Variants in TANC1 observed in about 807,000 individuals in gnomAD.
The protein encoded by TANC1 is protein TANC1.
In TANC1, 77 loss-of-function variants were observed where a neutral mutation model predicts 149.7. The ratio of observed to expected loss-of-function variants is 0.51; its 90% CI spans 0.43 to 0.62. TANC1 has a LOEUF of 0.62. Among genes scored for constraint, TANC1 ranks in the 20% least tolerant of loss-of-function variants. The pLI is 0.00. For missense variants in TANC1, 1,985 were observed against 2,321.8 expected (o/e 0.85, Z 2.98); for synonymous variants, 854 against 925.0 (o/e 0.92, Z 1.39).
At chr2:159,155,470 C>A (rs13000207) in intron 7 of TANC1, among the ~76,000 whole-genome samples, 5,058 of 152,116 alleles carry the variant, frequency 0.033, 128 homozygotes, top group Middle Eastern at 0.061. Context: ...TTTGGAGAAA[C>A]GGTGCTAGGA....
In TANC1 at chr2:159,224,336, G is replaced by A. The variant is rs769698888; in HGVS notation, c.3783G>A (p.Val1261=). ...GCTGCCGGAACACATCTGTAGTGGT[G>A]GCGCTACTCAGAAAGGGAGCCAAGT... The part of the protein sequence containing the change: ...AIGCRNTSVV[V]ALLRKGAKLG... The change falls in exon 23 of 27, where the codon GTG becomes GTA. Residue 1261 remains valine (V), a synonymous_variant. Transcript: ENST00000263635. 3.1e-6 allele frequency: 5 copies of A among 1,614,200 alleles called. No homozygotes were observed. Among genetic ancestry groups the A allele is most frequent in the Middle Eastern group, 1.6e-4 (1 of 6,062 alleles).
intron 5 of TANC1, among the ~76,000 whole-genome samples, chr2:159,143,247 A>T (rs1226260906): frequency 6.6e-6 from 1 of 152,150 alleles, no homozygotes; most frequent in Non-Finnish European, 1.5e-5. Context: ...TCGTAATGTG[A>T]TGTTTTGATA....
chr2:159,214,932 G>A (rs1334869273), intron 19 of TANC1, among the ~76,000 whole-genome samples: 2 of 152,150 alleles, frequency 1.3e-5, no homozygotes, highest in East Asian at 3.9e-4. Flanking sequence ...AATAGGGCGT[G>A]GAACATTCGG....
chr2:158,986,247 G>T (rs58071992), intron 1 of TANC1, among the ~76,000 whole-genome samples: 7,863 of 152,018 alleles, frequency 0.052, 645 homozygotes, highest in African/African-American at 0.18. Context: ...GGATGAAAAG[G>T]AATACTTAGC....
chr2:159,134,752 G>C (rs113134201), intron 4 of TANC1, among the ~76,000 whole-genome samples: 4,619 of 152,026 alleles, frequency 0.03, 229 homozygotes, highest in African/African-American at 0.11. Context: ...CAATGTGCTG[G>C]GATTACAGGC....
intron 4 of TANC1, among the ~76,000 whole-genome samples, chr2:159,114,863 G>A (rs991093245): frequency 2.0e-5 from 3 of 152,164 alleles, no homozygotes; most frequent in African/African-American, 7.2e-5. Flanking sequence ...GGGTGGATAT[G>A]ATGACTTTTG....
chr2:159,085,823 C>T (rs1177160156), intron 3 of TANC1, among the ~76,000 whole-genome samples: 1 of 152,126 alleles, frequency 6.6e-6, no homozygotes, highest in East Asian at 1.9e-4. Flanking sequence ...CCACCTAGTG[C>T]GGATTACATT....
At chr2:159,084,297 C>CT (rs1428956007) in intron 3 of TANC1, among the ~76,000 whole-genome samples, 1 of 151,986 alleles carries the variant, frequency 6.6e-6, no homozygotes, top group Non-Finnish European at 1.5e-5. Context: ...TCACTCCTAG[C>CT]TCCCCCCCCA....
At chr2:158,996,782 T>C (rs931663585) in intron 1 of TANC1, among the ~76,000 whole-genome samples, 3 of 152,220 alleles carry the variant, frequency 2.0e-5, no homozygotes, top group African/African-American at 4.8e-5. Context: ...ACATAAGTAT[T>C]GTAGTACTAA....
intron 18 of TANC1, among the ~76,000 whole-genome samples, chr2:159,197,241 C>T (rs1363013142): frequency 6.6e-6 from 1 of 152,140 alleles, no homozygotes; most frequent in Non-Finnish European, 1.5e-5. Context: ...CACAAGAATG[C>T]TTGTCATTTA....
chr2:159,198,882 T>TA (rs1392040299), intron 18 of TANC1, 93 bp from the exon 19 acceptor site: 2 of 885,526 alleles, frequency 2.3e-6, no homozygotes, highest in Non-Finnish European at 3.7e-6. Flanking sequence ...AGATAATGGT[T>TA]AAAAAACAAC....
At chr2:159,135,523 G>A (rs963290137) in intron 4 of TANC1, among the ~76,000 whole-genome samples, 14 of 152,238 alleles carry the variant, frequency 9.2e-5, no homozygotes, top group Non-Finnish European at 8.8e-5. Flanking sequence ...GTTCCATCCA[G>A]TCTTACGAAG....
chr2:159,203,209 C>CTTTTTTTTT (rs56319016), intron 19 of TANC1, among the ~76,000 whole-genome samples: 1 of 101,666 alleles, frequency 9.8e-6, no homozygotes. Flanking sequence ...CTTTTCTTTT[C>CTTTTTTTTT]TTTTTTTTTT....
chr2:159,027,167 G>T (rs2039417274), intron 2 of TANC1: 1 of 152,096 alleles, frequency 6.6e-6, no homozygotes, highest in South Asian at 2.1e-4. Flanking sequence ...ATGTGGCCAG[G>T]CTGCAGAGTT....
chr2:159,216,732 C>T (rs1015336190), intron 19 of TANC1, among the ~76,000 whole-genome samples: 9 of 152,128 alleles, frequency 5.9e-5, no homozygotes, highest in African/African-American at 2.2e-4. Context: ...AGCTCACTGC[C>T]TCTGGGCCAG....
In TANC1 at chr2:159,219,746, G is replaced by A; in HGVS notation, c.3557G>A (p.Cys1186Tyr). The change falls in exon 22 of 27, where the codon TGT becomes TAT. Residue 1186 changes from cysteine (C) to tyrosine (Y), a missense_variant. By Grantham distance (194) the Cys-to-Tyr change is radical. Transcript: ENST00000263635. The part of the protein sequence containing the change: ...KEGLSALSWA[C>Y]LKGHRAVVQY... ...GGTCTGTCAGCATTAAGCTGGGCTT[G>A]TCTGAAAGGTCACAGGGCAGTGGTC... 5 of 1,614,250 alleles carry A rather than the reference G, an allele frequency of 3.1e-6. No homozygotes were observed. The highest frequency in any genetic ancestry group is 1.7e-6 in the Non-Finnish European group (2 of 1,180,052).
chr2:159,092,875 T>C (rs28669166), intron 3 of TANC1, among the ~76,000 whole-genome samples: 72 of 152,308 alleles, frequency 4.7e-4, no homozygotes, highest in African/African-American at 1.6e-3. Flanking sequence ...TCTATCTTTT[T>C]CCCCAAATTA....
chr2:158,977,578 T>C (rs1239379624), intron 1 of TANC1, among the ~76,000 whole-genome samples: 1 of 151,886 alleles, frequency 6.6e-6, no homozygotes, highest in Non-Finnish European at 1.5e-5. Context: ...CCCAAAGTGC[T>C]GGGATTACAG....
At chr2:159,206,315 A>G (rs1188750827) in intron 19 of TANC1, among the ~76,000 whole-genome samples, 1 of 152,158 alleles carries the variant, frequency 6.6e-6, no homozygotes, top group Non-Finnish European at 1.5e-5. Context: ...GGGGATCAGA[A>G]CTGAGGGGGC....
Sources: allele counts gnomAD v4.1 joint callset (sites outside exome capture counted in the v4.1 genomes callset), GRCh38; gene constraint gnomAD v4.1.1; transcripts MANE v1.5; gene names NCBI Gene and HGNC (gene_info 2026-07-23, HGNC 2026-07-21).